Variants in DNAAF1 observed in about 807,000 individuals in gnomAD.
DNAAF1 encodes the protein dynein axonemal assembly factor 1, also known as dynein assembly factor 1, axonemal.
Under a neutral mutation model 71.1 loss-of-function variants are expected in DNAAF1, and 65 were observed. That is an observed-to-expected ratio of 0.91 (90% CI 0.75 to 1.12). The LOEUF is 1.12. Ranked by LOEUF, DNAAF1 falls within the 50% of genes most tolerant of loss-of-function variation. The probability of loss-of-function intolerance (pLI) is 0.00; values close to 1 mark genes in which losing one functional copy is unlikely to be tolerated. For missense variants in DNAAF1, 1,178 were observed against 899.8 expected (o/e 1.31, Z -3.96); for synonymous variants, 414 against 354.6 (o/e 1.17, Z -1.88).
intron 10 of DNAAF1, 138 bp downstream of exon 10, chr16:84,174,860 T>G: frequency 8.7e-7 from 1 of 1,154,710 alleles, no homozygotes; most frequent in Non-Finnish European, 1.3e-6. Flanking sequence ...ATTCTTTTTC[T>G]TTTCTTTTCT....
chr16:84,172,640 C>A (rs950675843), intron 9 of DNAAF1: 4 of 1,312,470 alleles, frequency 3.0e-6, no homozygotes, highest in East Asian at 3.5e-5. Context: ...AAATCGCTAC[C>A]CTTGAACCAT....
intron 3 of DNAAF1, among the ~76,000 whole-genome samples, chr16:84,152,333 A>G (rs534225262): frequency 6.6e-6 from 1 of 152,298 alleles, no homozygotes; most frequent in East Asian, 1.9e-4. Context: ...AGAAAGAGAG[A>G]GAGACATACA....
At position 84,155,606 on chromosome 16, in the gene DNAAF1, T is replaced by C. The variant is rs776685379; in HGVS notation, c.598T>C (p.Leu200=). 11 of 1,614,170 alleles carry C rather than the reference T, an allele frequency of 6.8e-6. No individual in the cohort carries two copies. The Admixed American group carries it at 8.3e-5, about 12-fold the overall frequency. The stretch of plus-strand genomic sequence containing the variant: ...AGCCTGCCTCCCAGTCCTGAACACA[T>C]TGCAGATGGCCCACAATCACCTGGA... ...NLSCLPVLNT[L]QMAHNHLETV... The change falls in exon 5 of 12, where the codon TTG becomes CTG. Residue 200 remains leucine, a synonymous_variant. Coordinates refer to ENST00000378553, the MANE Select transcript of DNAAF1 (RefSeq NM_178452.6).
intron 3 of DNAAF1, among the ~76,000 whole-genome samples, chr16:84,151,419 C>T (rs570105241): frequency 4.3e-4 from 65 of 152,258 alleles, no homozygotes; most frequent in African/African-American, 1.5e-3. Flanking sequence ...CTTTTGCCCA[C>T]TCCAAAATTC....
At position 84,159,710 on chromosome 16, in the gene DNAAF1, A is replaced by G. The variant is rs2087612971; in HGVS notation, c.777A>G (p.Arg259=). The G allele has an allele frequency of 5.0e-6, 8 of 1,613,948 alleles. No homozygotes were observed. The highest frequency in any genetic ancestry group is 6.8e-6 in the Non-Finnish European group (8 of 1,179,960). The change falls in exon 6 of 12, where the codon AGA becomes AGG. Residue 259 remains arginine (R), a synonymous_variant. Coordinates refer to ENST00000378553, the MANE Select transcript of DNAAF1 (RefSeq NM_178452.6). ...VLNLMGNPVI[R]QIPNYRRTVT... is the part of the protein sequence containing the mutation. ...ATTTGATGGGAAACCCGGTTATCAG[A>G]CAGATTCCTAATTACAGAAGGACAG...
chr16:84,177,762 CGT>C lies in DNAAF1; in HGVS notation c.2104_2105del (p.Val702ArgfsTer31). ...GAGAGCGCCGCCACACCCCCAGAGA[CGT>C]GTGTCGGAGTTGCCCAGCCCAGCCA... is the stretch of plus-strand genomic sequence containing the variant. On this transcript the variant is annotated frameshift_variant, in exon 12 of 12. Transcript: ENST00000378553. LOFTEE classifies it low-confidence loss of function (END_TRUNC). 5.0e-6 allele frequency: 8 copies of C among 1,614,028 alleles called. No individual in the cohort carries two copies. Among genetic ancestry groups the C allele is most frequent in the South Asian group, 2.2e-5 (2 of 91,076 alleles).
intron 1 of DNAAF1, 72 bp from the exon 2 acceptor site, chr16:84,148,935 C>A: frequency 6.4e-7 from 1 of 1,570,640 alleles, no homozygotes; most frequent in Non-Finnish European, 8.8e-7. Context: ...TGGTCATTAA[C>A]CAAGCTGAAG....
chr16:84,171,129 A>G (rs1012995074), intron 8 of DNAAF1, among the ~76,000 whole-genome samples: 1 of 152,036 alleles, frequency 6.6e-6, no homozygotes, highest in African/African-American at 2.4e-5. Flanking sequence ...ACCCAAGGAT[A>G]CAGCCCGGGG....
chr16:84,170,579 C>T lies in DNAAF1; in HGVS notation c.1528+223C>T, dbSNP rs4611442. Reference sequence around the variant, plus strand: ...TCTCTAATAGCTCTATTTAAAAAAGCAAAAGGAACTTTGGGAGGCCAAGGC... The same window carrying T: ...TCTCTAATAGCTCTATTTAAAAAAGTAAAAGGAACTTTGGGAGGCCAAGGC... On this transcript the variant is annotated intron_variant, in intron 8 of 11. Coordinates refer to ENST00000378553, the MANE Select transcript of DNAAF1 (RefSeq NM_178452.6). Among the ~76,000 whole-genome samples the T allele has an allele frequency of 0.37, 56,835 of 151,946 alleles. 10,971 individuals are homozygous for T. Among genetic ancestry groups the T allele is most frequent in the Non-Finnish European group, 0.42 (28,836 of 67,952 alleles).
intron 11 of DNAAF1, chr16:84,176,506 G>A (rs951571722): frequency 1.1e-5 from 8 of 752,580 alleles, no homozygotes; most frequent in Non-Finnish European, 1.5e-5. Context: ...CCTGGGCCAG[G>A]AAGCCACCGA....
At chr16:84,152,611 G>A (rs1366007741) in intron 3 of DNAAF1, among the ~76,000 whole-genome samples, 11 of 143,274 alleles carry the variant, frequency 7.7e-5, no homozygotes, top group African/African-American at 1.3e-4. Flanking sequence ...TTGTGCTACC[G>A]CGCTCCAGCC....
chr16:84,177,154 C>T lies in DNAAF1; in HGVS notation c.2066-575C>T. On this transcript the variant is annotated intron_variant, in intron 11 of 11. Coordinates refer to ENST00000378553, the MANE Select transcript of DNAAF1 (RefSeq NM_178452.6). ...CAGGAAGCAGGGAGTGGCCTGAGTG[C>T]ATTTCCCGGGAACACTGAGTGGCCT... The T allele has an allele frequency of 3.9e-5, 7 of 181,478 alleles. No homozygotes were observed. The South Asian group carries it at 4.6e-4, about 12-fold the overall frequency. 11.2% of individuals were successfully genotyped at this position (181,478 alleles called of 1,614,324 possible). A position where few individuals can be genotyped will look rare whatever the true frequency, so the allele number is the denominator to read the frequency against.
chr16:84,148,458 A>G (rs2087017380), intron 1 of DNAAF1, among the ~76,000 whole-genome samples: 1 of 152,088 alleles, frequency 6.6e-6, no homozygotes, highest in Non-Finnish European at 1.5e-5. Context: ...CGCAGAAACA[A>G]ATCTCTTTGT....
intron 10 of DNAAF1, chr16:84,175,666 G>A: frequency 2.0e-6 from 1 of 499,052 alleles, no homozygotes; most frequent in Non-Finnish European, 3.6e-6. Flanking sequence ...GCTCAGGGGT[G>A]CGCCCTCTCA....
intron 1 of DNAAF1, among the ~76,000 whole-genome samples, chr16:84,148,187 C>T (rs1039347690): frequency 6.6e-6 from 1 of 152,230 alleles, no homozygotes; most frequent in African/African-American, 2.4e-5. Flanking sequence ...TGAATTCTTG[C>T]AAGCACTTCT....
intron 5 of DNAAF1, among the ~76,000 whole-genome samples, chr16:84,158,169 C>T (rs781197908): frequency 6.6e-6 from 1 of 152,152 alleles, no homozygotes; most frequent in Non-Finnish European, 1.5e-5. Flanking sequence ...CGCGCCACTA[C>T]ACTCCAGCCT....
chr16:84,167,271 G>T (rs1441435797), intron 7 of DNAAF1, among the ~76,000 whole-genome samples: 1 of 152,078 alleles, frequency 6.6e-6, no homozygotes, highest in African/African-American at 2.4e-5. Flanking sequence ...GGGAAGGGGC[G>T]GAGCTTCATA....
Position 84,176,084 on chromosome 16 carries a change from C to A in DNAAF1, c.1850C>A (p.Ala617Asp), listed in dbSNP as rs964175897. ...GTCTCTAAAGACACCTCAAAGGCGG[C>A]TCGGGTGCCCTTCACAGACATCTTT... ...FAVSKDTSKA[A>D]RVPFTDIFKK... is the part of the protein sequence containing the mutation. Residue 617 changes from alanine (A) to aspartate (D), a missense_variant, in exon 11 of 12, where the codon GCT becomes GAT. By Grantham distance (126) the Ala-to-Asp change is moderately radical. Transcript: ENST00000378553. 3.1e-6 allele frequency: 5 copies of A among 1,613,944 alleles called. No homozygotes were observed. The highest frequency in any genetic ancestry group is 2.5e-6 in the Non-Finnish European group (3 of 1,179,986).
At chr16:84,146,923 A>C (rs1597391802) in intron 1 of DNAAF1, among the ~76,000 whole-genome samples, 1 of 152,326 alleles carries the variant, frequency 6.6e-6, no homozygotes, top group East Asian at 1.9e-4. Flanking sequence ...ATATATCTTA[A>C]GCATCAACTG....
Sources: allele counts gnomAD v4.1 joint callset (sites outside exome capture counted in the v4.1 genomes callset), GRCh38; gene constraint gnomAD v4.1.1; transcripts MANE v1.5; gene names NCBI Gene and HGNC (gene_info 2026-07-23, HGNC 2026-07-21).